Variants in LRRTM4 observed in about 807,000 individuals in gnomAD.
The protein encoded by LRRTM4 is leucine rich repeat transmembrane neuronal 4.
In LRRTM4, 25 loss-of-function variants were observed where a neutral mutation model predicts 47.6. The observed-to-expected ratio is 0.53, with a 90% CI of 0.38 to 0.73. The LOEUF (loss-of-function observed/expected upper bound fraction) is 0.73, where lower values mean the gene tolerates loss of function less well. Among genes scored for constraint, LRRTM4 ranks in the 30% least tolerant of loss-of-function variants. LRRTM4 has a pLI of 0.00. For missense variants in LRRTM4, 638 were observed against 713.4 expected, an observed-to-expected ratio of 0.89 and a Z score of 1.20; for synonymous variants, 311 against 269.5, an observed-to-expected ratio of 1.15 and a Z score of -1.51.
chr2:77,041,916 G>A (rs533962726), intron 3 of LRRTM4, among the ~76,000 whole-genome samples: 10 of 105,012 alleles, frequency 9.5e-5, no homozygotes, highest in Admixed American at 2.8e-4. Context: ...CAAAAGACCC[G>A]GAATGGAATA....
intron 3 of LRRTM4, among the ~76,000 whole-genome samples, chr2:76,772,411 G>A (rs973141729): frequency 6.6e-6 from 1 of 152,156 alleles, no homozygotes; most frequent in African/African-American, 2.4e-5. Flanking sequence ...AGTAGTGATA[G>A]GCAAAGAGAA....
chr2:76,898,012 G>T lies in LRRTM4; in HGVS notation c.1552-149096C>A, dbSNP rs115660285. ...CCAAATGTAAACTGCAGTCCTAACAGGATGGCCCAGATTTGCTCCTTTGTT... is the reference window on the plus strand; with the variant it reads ...CCAAATGTAAACTGCAGTCCTAACATGATGGCCCAGATTTGCTCCTTTGTT... On this transcript the variant is annotated intron_variant, in intron 3 of 3. Coordinates refer to ENST00000409884, the MANE Select transcript of LRRTM4 (RefSeq NM_001134745.3). Among the ~76,000 whole-genome samples the T allele has an allele frequency of 4.2e-3, 640 of 152,242 alleles. 3 individuals are homozygous for T. Among genetic ancestry groups the T allele is most frequent in the Middle Eastern group, 6.8e-3 (2 of 294 alleles).
chr2:76,972,218 G>C (rs575012433), intron 3 of LRRTM4, among the ~76,000 whole-genome samples: 1 of 152,066 alleles, frequency 6.6e-6, no homozygotes, highest in South Asian at 2.1e-4. Flanking sequence ...CCAATTAGGT[G>C]AGAGAGGACT....
chr2:76,845,179 A>C (rs1452962930), intron 3 of LRRTM4, among the ~76,000 whole-genome samples: 2 of 152,164 alleles, frequency 1.3e-5, no homozygotes, highest in African/African-American at 4.8e-5. Flanking sequence ...CAACTGCAAA[A>C]TGTAACAATA....
At chr2:76,968,349 T>C (rs1309959516) in intron 3 of LRRTM4, among the ~76,000 whole-genome samples, 3 of 91,226 alleles carry the variant, frequency 3.3e-5, no homozygotes, top group African/African-American at 5.4e-5. Flanking sequence ...TGTATATATA[T>C]ATATATATAT....
At chr2:77,443,933 A>G (rs1675945065) in intron 3 of LRRTM4, among the ~76,000 whole-genome samples, 1 of 152,150 alleles carries the variant, frequency 6.6e-6, no homozygotes, top group African/African-American at 2.4e-5. Context: ...AGAGTAATAT[A>G]TAGGTGGAAA....
intron 3 of LRRTM4, among the ~76,000 whole-genome samples, chr2:77,208,929 G>C (rs1434821379): frequency 6.6e-6 from 1 of 152,082 alleles, no homozygotes; most frequent in Non-Finnish European, 1.5e-5. Context: ...GATACCAGCA[G>C]GTTTTAGACA....
At chr2:77,024,956 G>GT (rs998431680) in intron 3 of LRRTM4, among the ~76,000 whole-genome samples, 2 of 152,130 alleles carry the variant, frequency 1.3e-5, no homozygotes, top group Non-Finnish European at 2.9e-5. Flanking sequence ...GAAATTATTA[G>GT]TTTTTTGTTT....
chr2:77,491,539 C>T (rs1376630097), intron 3 of LRRTM4, among the ~76,000 whole-genome samples: 2 of 151,806 alleles, frequency 1.3e-5, no homozygotes, highest in African/African-American at 2.4e-5. Flanking sequence ...TAAGTCCTAT[C>T]ACGTAGTAAT....
intron 3 of LRRTM4, among the ~76,000 whole-genome samples, chr2:76,784,644 G>C (rs1173315278): frequency 2.0e-5 from 3 of 152,024 alleles, no homozygotes; most frequent in African/African-American, 7.2e-5. Context: ...ATTTTGAAAT[G>C]ATCAATGTAA....
At chr2:76,998,973 GTTTC>G (rs1250519729) in intron 3 of LRRTM4, among the ~76,000 whole-genome samples, 2 of 147,912 alleles carry the variant, frequency 1.4e-5, no homozygotes, top group East Asian at 2.1e-4. Flanking sequence ...CCTAACATGT[GTTTC>G]TTTCTATTTC....
At chr2:76,986,375 T>C (rs2103979031) in intron 3 of LRRTM4, among the ~76,000 whole-genome samples, 1 of 152,108 alleles carries the variant, frequency 6.6e-6, no homozygotes, top group Admixed American at 6.6e-5. Context: ...GAGATTTCTT[T>C]TCAAGATATG....
intron 3 of LRRTM4, among the ~76,000 whole-genome samples, chr2:77,116,102 A>G (rs1466031098): frequency 6.6e-6 from 1 of 152,140 alleles, no homozygotes; most frequent in African/African-American, 2.4e-5. Context: ...GGATAACTCA[A>G]TTTAAGAGTC....
intron 3 of LRRTM4, among the ~76,000 whole-genome samples, chr2:77,335,150 CT>C (rs1266638819): frequency 2.0e-5 from 3 of 152,114 alleles, no homozygotes; most frequent in Non-Finnish European, 4.4e-5. Flanking sequence ...GTTATAGAAT[CT>C]ACCAATTGAT....
chr2:77,089,818 T>C (rs1680869345), intron 3 of LRRTM4, among the ~76,000 whole-genome samples: 1 of 152,168 alleles, frequency 6.6e-6, no homozygotes, highest in Admixed American at 6.5e-5. Context: ...TTTGAATTTT[T>C]CCATCCTGCA....
intron 3 of LRRTM4, among the ~76,000 whole-genome samples, chr2:77,083,582 T>C (rs1680600632): frequency 6.6e-6 from 1 of 152,030 alleles, no homozygotes; most frequent in South Asian, 2.1e-4. Context: ...GTCTGAATAT[T>C]AGATAGTCAA....
chr2:76,848,114 T>A (rs185381417), intron 3 of LRRTM4, among the ~76,000 whole-genome samples: 2 of 152,094 alleles, frequency 1.3e-5, no homozygotes, highest in South Asian at 4.1e-4. Flanking sequence ...AGATTCTTTG[T>A]GTGTGTTTGG....
At chr2:77,400,960 G>A (rs561118908) in intron 3 of LRRTM4, among the ~76,000 whole-genome samples, 7 of 151,994 alleles carry the variant, frequency 4.6e-5, no homozygotes, top group South Asian at 4.1e-4. Context: ...AAACTTCAGC[G>A]TCTATAAGTA....
intron 3 of LRRTM4, among the ~76,000 whole-genome samples, chr2:77,434,522 C>A (rs1483383497): frequency 7.9e-5 from 12 of 151,264 alleles, no homozygotes. Flanking sequence ...CTTAAAAGAG[C>A]TGGTGGCAGA....
Sources: allele counts gnomAD v4.1 joint callset (sites outside exome capture counted in the v4.1 genomes callset), GRCh38; gene constraint gnomAD v4.1.1; transcripts MANE v1.5; gene names NCBI Gene and HGNC (gene_info 2026-07-23, HGNC 2026-07-21).